The following NKIRAS1 variants were observed in gnomAD, a reference collection of about 807,000 sequenced individuals.
The protein encoded by NKIRAS1 is NF-kappa-B inhibitor-interacting Ras-like protein 1.
NKIRAS1 carries 16 observed loss-of-function variants against 19.8 expected under a neutral mutation model. The ratio of observed to expected loss-of-function variants is 0.81; its 90% CI spans 0.55 to 1.23. The LOEUF is 1.23. Ranked by LOEUF, NKIRAS1 falls within the 50% of genes most tolerant of loss-of-function variation. The pLI is 0.00. For synonymous variants in NKIRAS1, 88 were observed against 79.0 expected (o/e 1.11, Z -0.61); for missense variants, 184 against 220.0 (o/e 0.84, Z 1.04).
chr3:23,902,934 C>G (rs942053268), intron 3 of NKIRAS1, among the ~76,000 whole-genome samples: 2 of 152,248 alleles, frequency 1.3e-5, no homozygotes, highest in Non-Finnish European at 2.9e-5. Context: ...AAAACACTGG[C>G]AGCCAGCTCT....
chr3:23,905,908 C>G (rs1361304940), intron 3 of NKIRAS1, among the ~76,000 whole-genome samples: 4 of 151,892 alleles, frequency 2.6e-5, no homozygotes, highest in African/African-American at 7.3e-5. Flanking sequence ...CCTATAATCC[C>G]AACATTTTGG....
At chr3:23,933,533 A>G (rs1019099194) in intron 1 of NKIRAS1, among the ~76,000 whole-genome samples, 7 of 152,188 alleles carry the variant, frequency 4.6e-5, no homozygotes, top group African/African-American at 1.4e-4. Context: ...CAATAGCACC[A>G]CTGTTGAGAA....
In NKIRAS1 at chr3:23,900,902, C is replaced by A; in HGVS notation, c.242G>T (p.Gly81Val). Reference protein sequence around the residue: ...LPKHYFSFADGFVLVYSVNNL... With the variant: ...LPKHYFSFADVFVLVYSVNNL... ...ATTCACACTGTACACAAGAACGAAG[C>A]CATCAGCAAATGAAAAATAATGCTT... Residue 81 changes from glycine (G) to valine (V), a missense_variant, in exon 4 of 5, where the codon GGC becomes GTC. Gly to Val is a moderately radical substitution (Grantham distance 109). Coordinates refer to ENST00000425478, the MANE Select transcript of NKIRAS1 (RefSeq NM_020345.4). 7 of 1,614,102 alleles carry A rather than the reference C, an allele frequency of 4.3e-6. No homozygotes were observed. The highest frequency in any genetic ancestry group is 5.9e-6 in the Non-Finnish European group (7 of 1,179,972).
At chr3:23,908,613 AG>A (rs1048287861) in intron 3 of NKIRAS1, among the ~76,000 whole-genome samples, 2 of 152,212 alleles carry the variant, frequency 1.3e-5, no homozygotes, top group African/African-American at 4.8e-5. Context: ...AAGTTATTTT[AG>A]GATATAATGA....
chr3:23,942,167 C>T lies in NKIRAS1; in HGVS notation c.-140+4156G>A, dbSNP rs559044065. ...CTAATTTTTGTATTTTTAGTAGAGA[C>T]GGGGTTTTGTCAAGTTGGCCAGGCT... On this transcript the variant is annotated intron_variant, in intron 1 of 4. Transcript: ENST00000421515. Among the ~76,000 whole-genome samples the T allele has an allele frequency of 2.3e-4, 35 of 152,018 alleles. 1 individual carries two copies. The South Asian group carries it at 6.7e-3, about 29-fold the overall frequency.
intron 4 of NKIRAS1, among the ~76,000 whole-genome samples, chr3:23,894,309 G>C (rs1051441140): frequency 6.6e-6 from 1 of 152,208 alleles, no homozygotes; most frequent in Non-Finnish European, 1.5e-5. Context: ...AGGCCTCTCT[G>C]AGGAGCAGCA....
chr3:23,894,440 C>T (rs1221533178), intron 4 of NKIRAS1, among the ~76,000 whole-genome samples: 1 of 152,168 alleles, frequency 6.6e-6, no homozygotes, highest in African/African-American at 2.4e-5. Context: ...GCCAGAGCTC[C>T]AGTTTTCTAG....
intron 3 of NKIRAS1, among the ~76,000 whole-genome samples, chr3:23,909,344 A>G (rs1243039411): frequency 6.6e-6 from 1 of 152,148 alleles, no homozygotes; most frequent in African/African-American, 2.4e-5. Flanking sequence ...CAACGTGGTG[A>G]AACCCCGTCT....
upstream of NKIRAS1, chr3:23,919,138 T>A: frequency 8.4e-7 from 1 of 1,190,192 alleles, no homozygotes; most frequent in Non-Finnish European, 1.2e-6. Flanking sequence ...AAATTCTTTC[T>A]GACTTGCTGC....
intron 4 of NKIRAS1, among the ~76,000 whole-genome samples, chr3:23,898,964 C>T (rs934327117): frequency 1.3e-5 from 2 of 152,194 alleles, no homozygotes; most frequent in African/African-American, 4.8e-5. Context: ...AGGTTGCATG[C>T]TCTTTTTGAG....
intron 1 of NKIRAS1, among the ~76,000 whole-genome samples, chr3:23,939,698 C>G (rs941319551): frequency 6.6e-5 from 10 of 152,188 alleles, no homozygotes; most frequent in Admixed American, 6.5e-4. Context: ...GAGCTGAGAT[C>G]GTGCCACTGC....
At chr3:23,933,426 G>GGT (rs1482604605) in intron 1 of NKIRAS1, among the ~76,000 whole-genome samples, 1 of 152,182 alleles carries the variant, frequency 6.6e-6, no homozygotes, top group African/African-American at 2.4e-5. Context: ...CTGGGAAGTG[G>GGT]GTGGTATTGC....
chr3:23,930,616 A>G (rs1196406241), intron 1 of NKIRAS1, among the ~76,000 whole-genome samples: 2 of 152,196 alleles, frequency 1.3e-5, no homozygotes, highest in East Asian at 1.9e-4. Context: ...ACTAATCTAT[A>G]TATATAATTT....
chr3:23,920,414 C>G (rs139105525), upstream of NKIRAS1: 7 of 985,404 alleles, frequency 7.1e-6, no homozygotes, highest in Non-Finnish European at 8.4e-6. Context: ...GCAGTTATTT[C>G]TCTTGTTCTG....
In NKIRAS1 at chr3:23,900,897, C is replaced by T. The variant is rs553744997; in HGVS notation, c.247G>A (p.Val83Ile). ...AGGTTATTCACACTGTACACAAGAA[C>T]GAAGCCATCAGCAAATGAAAAATAA... The part of the protein sequence containing the change: ...KHYFSFADGF[V>I]LVYSVNNLES... Residue 83 changes from valine to isoleucine, a missense_variant, in exon 4 of 5, where the codon GTT (valine) becomes ATT (isoleucine). Physicochemically the swap from Val to Ile is conservative, Grantham distance 29. Coordinates refer to ENST00000425478, the MANE Select transcript of NKIRAS1 (RefSeq NM_020345.4). 8 of 1,614,096 alleles carry T rather than the reference C, an allele frequency of 5.0e-6. No homozygotes were observed. Among genetic ancestry groups the T allele is most frequent in the South Asian group, 4.4e-5 (4 of 91,088 alleles).
chr3:23,930,180 G>A (rs1046238842), intron 1 of NKIRAS1, among the ~76,000 whole-genome samples: 9 of 152,144 alleles, frequency 5.9e-5, no homozygotes, highest in Non-Finnish European at 2.9e-5. Context: ...ATTGAGAGCT[G>A]CTTCATCCTG....
At chr3:23,916,513 T>G (rs1704467044) in intron 1 of NKIRAS1, 1 of 152,298 alleles carries the variant, frequency 6.6e-6, no homozygotes, top group Non-Finnish European at 1.5e-5. Flanking sequence ...TGACCCTTTT[T>G]TAGGACAAAA....
intron 4 of NKIRAS1, among the ~76,000 whole-genome samples, chr3:23,896,552 G>T (rs1450503996): frequency 6.6e-6 from 1 of 152,020 alleles, no homozygotes; most frequent in Non-Finnish European, 1.5e-5. Flanking sequence ...GGCGGAGGTT[G>T]CTGTGGGCTG....
At chr3:23,943,428 T>G (rs1029491976) in intron 1 of NKIRAS1, among the ~76,000 whole-genome samples, 1 of 151,984 alleles carries the variant, frequency 6.6e-6, no homozygotes, top group African/African-American at 2.4e-5. Context: ...ATGGGGTTTC[T>G]CCATGTTGGT....
Sources: allele counts gnomAD v4.1 joint callset (sites outside exome capture counted in the v4.1 genomes callset), GRCh38; gene constraint gnomAD v4.1.1; transcripts MANE v1.5; gene names NCBI Gene and HGNC (gene_info 2026-07-23, HGNC 2026-07-21).